The following CELF2 variants were observed in gnomAD, a reference collection of about 807,000 sequenced individuals.
CELF2 encodes the protein CUGBP Elav-like family member 2, also known as CUG triplet repeat RNA-binding protein 2.
In CELF2, 8 loss-of-function variants were observed where a neutral mutation model predicts 62.6. The observed-to-expected ratio is 0.13, with a 90% CI of 0.07 to 0.23. CELF2 has a LOEUF of 0.23. Ranked by LOEUF, CELF2 falls within the 10% of genes least tolerant of loss-of-function variation. The pLI is 1.00. For missense variants in CELF2, 333 were observed against 671.0 expected (o/e 0.50, Z 5.56); for synonymous variants, 258 against 250.0 (o/e 1.03, Z -0.30).
intron 2 of CELF2, among the ~76,000 whole-genome samples, chr10:10,960,754 C>T (rs1207706964): frequency 6.6e-6 from 1 of 152,218 alleles, no homozygotes; most frequent in Non-Finnish European, 1.5e-5. Context: ...TTGTTTAGCT[C>T]AAGGCAGAGT....
the CELF2 span, among the ~76,000 whole-genome samples, chr10:10,524,235 A>T: frequency 1.3e-5 from 2 of 152,076 alleles, no homozygotes; most frequent in South Asian, 4.2e-4. Context: ...GCATCAAGAG[A>T]CATTTTCTCT....
the CELF2 span, among the ~76,000 whole-genome samples, chr10:10,541,215 G>A: frequency 1.7e-3 from 236 of 142,572 alleles, 1 homozygote; most frequent in Non-Finnish European, 2.5e-3. Context: ...TGCACTCCAG[G>A]CTGGGCGACA....
intron 2 of CELF2, among the ~76,000 whole-genome samples, chr10:11,169,878 C>T (rs947714948): frequency 6.6e-6 from 1 of 152,116 alleles, no homozygotes; most frequent in Non-Finnish European, 1.5e-5. Context: ...GCACAGTCAG[C>T]AGTGGTGGGA....
chr10:10,578,461 C>G, the CELF2 span, among the ~76,000 whole-genome samples: 1 of 152,098 alleles, frequency 6.6e-6, no homozygotes, highest in Non-Finnish European at 1.5e-5. Context: ...AATGGTGTTG[C>G]TTAGGTTTTC....
intron 1 of CELF2, among the ~76,000 whole-genome samples, chr10:10,896,831 T>C (rs879767875): frequency 6.6e-6 from 1 of 152,182 alleles, no homozygotes; most frequent in Non-Finnish European, 1.5e-5. Context: ...CAGATGCCCA[T>C]TGACTTAGGA....
intron 2 of CELF2, among the ~76,000 whole-genome samples, chr10:11,187,011 CA>C (rs1029473619): frequency 3.9e-5 from 6 of 152,168 alleles, no homozygotes; most frequent in Non-Finnish European, 5.9e-5. Context: ...CTCAAAAGAA[CA>C]GGTATCCTGT....
intron 1 of CELF2, among the ~76,000 whole-genome samples, chr10:11,124,216 C>G (rs139008920): frequency 7.4e-4 from 112 of 152,174 alleles, no homozygotes; most frequent in Non-Finnish European, 1.3e-3. Flanking sequence ...GGGACACAGC[C>G]AAATCATATC....
chr10:10,660,180 T>A, the CELF2 span, among the ~76,000 whole-genome samples: 2 of 152,212 alleles, frequency 1.3e-5, no homozygotes, highest in African/African-American at 4.8e-5. Flanking sequence ...TGCTAATTGA[T>A]AAACTGTTCA....
intron 3 of CELF2, among the ~76,000 whole-genome samples, chr10:11,234,679 CAAAAAAAA>C (rs11387214): frequency 1.2e-5 from 1 of 83,282 alleles, no homozygotes; most frequent in Non-Finnish European, 2.3e-5. Context: ...GACTCCATCT[CAAAAAAAA>C]AAAAAAAAAA....
At chr10:10,912,807 C>T (rs1297013691) in intron 1 of CELF2, among the ~76,000 whole-genome samples, 5 of 152,182 alleles carry the variant, frequency 3.3e-5, no homozygotes, top group South Asian at 2.1e-4. Context: ...GCATGGGCTC[C>T]GGAGCTGGGA....
At position 11,267,930 on chromosome 10, in the gene CELF2, CATATCTT is replaced by C. The variant is rs1295655509; in HGVS notation, c.618+1258_618+1264del. On this transcript the variant is annotated intron_variant, in intron 6 of 12. Coordinates refer to ENST00000633077, the MANE Select transcript of CELF2 (RefSeq NM_001326342.2). This position sits in a 1 kb window ranked among gnomAD's most constrained non-coding sequence, Gnocchi z 4.4. ...TTGATCTTGACTTTGATATTCCTAACATATCTTATATAATCACTGTGTTTTCCTTTCA... is the reference window on the plus strand; with the variant it reads ...TTGATCTTGACTTTGATATTCCTAACATATAATCACTGTGTTTTCCTTTCA... Among the ~76,000 whole-genome samples the C allele has an allele frequency of 1.3e-5, 2 of 152,168 alleles. No homozygotes were observed. Among genetic ancestry groups the C allele is most frequent in the Non-Finnish European group, 2.9e-5 (2 of 68,032 alleles).
At chr10:11,029,292 C>T (rs1415206772) in intron 1 of CELF2, among the ~76,000 whole-genome samples, 1 of 152,154 alleles carries the variant, frequency 6.6e-6, no homozygotes, top group African/African-American at 2.4e-5. Context: ...AAAAAAGGCA[C>T]TTCTTTATTC....
chr10:10,700,653 G>A, the CELF2 span, among the ~76,000 whole-genome samples: 2 of 152,154 alleles, frequency 1.3e-5, no homozygotes, highest in Non-Finnish European at 2.9e-5. Flanking sequence ...CCACTCCTAT[G>A]TATCTCCTAG....
intron 1 of CELF2, among the ~76,000 whole-genome samples, chr10:11,006,109 G>A (rs532551304): frequency 3.9e-5 from 6 of 152,166 alleles, no homozygotes; most frequent in Non-Finnish European, 5.9e-5. Context: ...GATAGAATTG[G>A]CATCCTGCTT....
chr10:10,531,671 G>C, the CELF2 span, among the ~76,000 whole-genome samples: 3 of 152,112 alleles, frequency 2.0e-5, no homozygotes, highest in African/African-American at 7.2e-5. Flanking sequence ...TGAATTCTGC[G>C]GGAGGAAGAG....
intron 5 of CELF2, 119 bp downstream of exon 5, chr10:11,257,991 G>T (rs1481780822): frequency 4.3e-6 from 5 of 1,166,382 alleles, no homozygotes; most frequent in Non-Finnish European, 4.8e-6. Flanking sequence ...CATCCCATGT[G>T]ATAAAGTTAT....
At chr10:10,735,907 G>T in the CELF2 span, among the ~76,000 whole-genome samples, 1 of 152,144 alleles carries the variant, frequency 6.6e-6, no homozygotes, top group Non-Finnish European at 1.5e-5. Context: ...ACTAGCCACT[G>T]TATCTTCTGC....
At chr10:10,555,184 C>A in the CELF2 span, among the ~76,000 whole-genome samples, 1 of 151,756 alleles carries the variant, frequency 6.6e-6, no homozygotes, top group African/African-American at 2.4e-5. Context: ...TAAGTCACCC[C>A]AAAGGATTAT....
the CELF2 span, among the ~76,000 whole-genome samples, chr10:10,744,083 A>G: frequency 6.6e-6 from 1 of 152,204 alleles, no homozygotes; most frequent in African/African-American, 2.4e-5. Flanking sequence ...ACTGTCTTAC[A>G]AAGATCTAAA....
Sources: gnomAD v4.1 joint callset for allele counts (sites outside exome capture counted in the v4.1 genomes callset) on GRCh38, gnomAD v4.1.1 for gene constraint, Gnocchi (gnomAD v3.1) non-coding constraint, MANE v1.5 for transcripts, NCBI Gene and HGNC (gene_info 2026-07-23, HGNC 2026-07-21) for gene names.